OC90: variants seen among roughly 807,000 people sequenced by gnomAD.
OC90 encodes otoconin 90, also known as otoconin-90.
A neutral mutation model predicts 47.3 loss-of-function variants in OC90; 46 were observed. The ratio of observed to expected loss-of-function variants is 0.97; its 90% CI spans 0.77 to 1.24. OC90 has a LOEUF of 1.24. Ranked by LOEUF, OC90 falls within the 50% of genes most tolerant of loss-of-function variation. OC90 has a pLI of 0.00. For missense variants in OC90, 688 were observed against 583.9 expected, an observed-to-expected ratio of 1.18 and a Z score of -1.84; for synonymous variants, 271 against 219.5, an observed-to-expected ratio of 1.23 and a Z score of -2.07.
intron 13 of OC90, 44 bp from the exon 14 acceptor site, chr8:132,024,820 A>T (rs1233204267): frequency 6.4e-7 from 1 of 1,556,632 alleles, no homozygotes; most frequent in South Asian, 1.2e-5. Flanking sequence ...ACCTCTGAGG[A>T]TGGCACTGGG....
chr8:132,057,369 C>G (rs1025440144), intron 1 of OC90, among the ~76,000 whole-genome samples: 1 of 152,174 alleles, frequency 6.6e-6, no homozygotes, highest in Non-Finnish European at 1.5e-5. Flanking sequence ...TCAGATAAGA[C>G]GGCCTGAAGG....
intron 12 of OC90, among the ~76,000 whole-genome samples, chr8:132,030,629 G>A (rs1054224362): frequency 6.6e-6 from 1 of 152,164 alleles, no homozygotes; most frequent in Non-Finnish European, 1.5e-5. Flanking sequence ...GCAGGCATGC[G>A]GTTGAACCTC....
intron 2 of OC90, among the ~76,000 whole-genome samples, chr8:132,048,050 C>T (rs577853885): frequency 2.0e-5 from 3 of 152,328 alleles, no homozygotes; most frequent in East Asian, 1.9e-4. Flanking sequence ...TAGCACTCAT[C>T]CCTTCTGCCA....
intron 9 of OC90, chr8:132,036,532 A>C: frequency 1.3e-6 from 1 of 741,658 alleles, no homozygotes; most frequent in Non-Finnish European, 2.5e-6. Flanking sequence ...GGGTAATCCG[A>C]TCAGGGCATA....
At chr8:132,037,380 G>A in intron 9 of OC90, 58 bp downstream of exon 9, 1 of 1,394,206 alleles carries the variant, frequency 7.2e-7, no homozygotes, top group Non-Finnish European at 1.0e-6. Flanking sequence ...AACGTGTATA[G>A]TCCCTCCCCA....
At chr8:132,055,568 T>C (rs1393977316) in intron 1 of OC90, among the ~76,000 whole-genome samples, 14 of 152,264 alleles carry the variant, frequency 9.2e-5, no homozygotes, top group Non-Finnish European at 1.3e-4. Flanking sequence ...ACCTTTGGCA[T>C]GTAGGTTTTG....
At chr8:132,043,031 C>T (rs1586712765) in intron 4 of OC90, among the ~76,000 whole-genome samples, 1 of 152,150 alleles carries the variant, frequency 6.6e-6, no homozygotes, top group African/African-American at 2.4e-5. Context: ...TCATCAACAG[C>T]GGATTGGATA....
chr8:132,056,391 C>G (rs1377604684), intron 1 of OC90, among the ~76,000 whole-genome samples: 1 of 152,212 alleles, frequency 6.6e-6, no homozygotes. Context: ...AATCACTACT[C>G]TATGGACCTA....
At chr8:132,045,748 A>G in intron 3 of OC90, 70 bp downstream of exon 3, 2 of 869,248 alleles carry the variant, frequency 2.3e-6, no homozygotes, top group Non-Finnish European at 3.8e-6. Flanking sequence ...TTCAGAAGGG[A>G]TCATTTTCTC....
chr8:132,056,135 G>A (rs181874149), intron 1 of OC90, among the ~76,000 whole-genome samples: 1 of 152,254 alleles, frequency 6.6e-6, no homozygotes, highest in African/African-American at 2.4e-5. Flanking sequence ...GCACAAAAGC[G>A]CTTGGTCAGG....
intron 1 of OC90, among the ~76,000 whole-genome samples, chr8:132,058,693 T>C (rs921057390): frequency 6.6e-6 from 1 of 152,174 alleles, no homozygotes; most frequent in Admixed American, 6.5e-5. Flanking sequence ...ATGAGTCTTA[T>C]AAAGGTAGAA....
At chr8:132,032,589 G>A (rs976562422) in intron 11 of OC90, among the ~76,000 whole-genome samples, 3 of 152,142 alleles carry the variant, frequency 2.0e-5, no homozygotes, top group Admixed American at 1.3e-4. Context: ...ATCATGGAAG[G>A]CACACCCAGA....
At chr8:132,040,214 C>T (rs1823033128) in intron 6 of OC90, among the ~76,000 whole-genome samples, 1 of 152,218 alleles carries the variant, frequency 6.6e-6, no homozygotes, top group African/African-American at 2.4e-5. Flanking sequence ...AGTGTTAAGT[C>T]AGATCAGGGT....
chr8:132,047,620 G>A (rs553338085), intron 2 of OC90, among the ~76,000 whole-genome samples: 2 of 139,882 alleles, frequency 1.4e-5, no homozygotes, highest in Non-Finnish European at 1.5e-5. Flanking sequence ...TTTTAAATCT[G>A]TCAGTGGGAG....
intron 8 of OC90, 126 bp from the exon 9 acceptor site, chr8:132,037,614 CT>C: frequency 2.6e-6 from 2 of 762,110 alleles, no homozygotes; most frequent in Non-Finnish European, 2.3e-6. Context: ...AAAGGGCTTA[CT>C]AAGAAGAGCT....
intron 13 of OC90, among the ~76,000 whole-genome samples, chr8:132,028,543 AAAGAAAGAAAGAAAGAAAGAAAGG>A (rs1340134011): frequency 2.2e-4 from 14 of 63,512 alleles, no homozygotes; most frequent in African/African-American, 8.4e-4. Context: ...AGAAAGAAAG[AAAGAAAGAAAGAAAGAAAGAAAGG>A]AAGGAAGGAA....
At chr8:132,038,303 G>T (rs763038579) in intron 8 of OC90, among the ~76,000 whole-genome samples, 6 of 152,224 alleles carry the variant, frequency 3.9e-5, no homozygotes, top group Admixed American at 6.5e-5. Context: ...AAAAGCCTCT[G>T]TTGGACCCAG....
rs1477754852 is a variant in OC90 at position 132,024,661 on chromosome 8, G to A, written c.1254C>T (p.Cys418=). Residue 418 remains cysteine, a synonymous_variant, in exon 14 of 14, where the codon TGC becomes TGT. Transcript: ENST00000254627. ...QSLKSPSRLG[C]PGQPAACEDS... ...CTTCACAGGCTGCTGGCTGCCCAGG[G>A]CACCCGAGTCTGCTTGGGGACTTGA... is the stretch of plus-strand genomic sequence containing the variant. 3 of 1,613,276 alleles carry A rather than the reference G, an allele frequency of 1.9e-6. No individual in the cohort carries two copies. The highest frequency in any genetic ancestry group is 1.7e-6 in the Non-Finnish European group (2 of 1,179,656).
intron 10 of OC90, 27 bp from the exon 11 acceptor site, chr8:132,033,191 G>A (rs761839176): frequency 1.9e-6 from 3 of 1,595,256 alleles, no homozygotes; most frequent in Admixed American, 1.7e-5. Context: ...TCATGATTCG[G>A]ATTCAAAAAG....
Sources: allele counts gnomAD v4.1 joint callset (sites outside exome capture counted in the v4.1 genomes callset), GRCh38; gene constraint gnomAD v4.1.1; transcripts MANE v1.5; gene names NCBI Gene and HGNC (gene_info 2026-07-23, HGNC 2026-07-21).